Variants in IL33 observed in about 807,000 individuals in gnomAD.
IL33 encodes interleukin-33.
Under a neutral mutation model 27.3 loss-of-function variants are expected in IL33, and 37 were observed. The ratio of observed to expected loss-of-function variants is 1.36; its 90% confidence interval spans 1.04 to 1.78. The LOEUF is 1.78. IL33 is among the 40% of genes most tolerant of loss of function. The probability of loss-of-function intolerance (pLI) is 0.00; values close to 1 mark genes in which losing one functional copy is unlikely to be tolerated. For missense variants in IL33, 406 were observed against 311.4 expected (o/e 1.30, Z -2.29); for synonymous variants, 132 against 102.9 (o/e 1.28, Z -1.71).
At chr9:6,248,000 G>A (rs1819964317) in intron 2 of IL33, among the ~76,000 whole-genome samples, 1 of 151,832 alleles carries the variant, frequency 6.6e-6, no homozygotes, top group Non-Finnish European at 1.5e-5. Context: ...CTGATATCCT[G>A]TTCCCCCCAG....
intron 1 of IL33, among the ~76,000 whole-genome samples, chr9:6,223,788 A>G (rs1395190137): frequency 6.6e-6 from 1 of 152,204 alleles, no homozygotes; most frequent in East Asian, 1.9e-4. Flanking sequence ...ACTTAAGGAC[A>G]CTTTTTGCTC....
At chr9:6,251,773 C>T (rs1478646844) in intron 4 of IL33, among the ~76,000 whole-genome samples, 3 of 151,334 alleles carry the variant, frequency 2.0e-5, no homozygotes, top group Non-Finnish European at 4.4e-5. Context: ...GGTGTGGTGG[C>T]TCACACCTGT....
At chr9:6,230,077 A>G (rs1587620534) in intron 1 of IL33, among the ~76,000 whole-genome samples, 1 of 152,172 alleles carries the variant, frequency 6.6e-6, no homozygotes, top group Non-Finnish European at 1.5e-5. Flanking sequence ...AGGGAGGGGT[A>G]AGTAAGGTTG....
At chr9:6,226,615 T>C (rs1818643512) in intron 1 of IL33, among the ~76,000 whole-genome samples, 2 of 152,258 alleles carry the variant, frequency 1.3e-5, no homozygotes, top group Admixed American at 6.5e-5. Flanking sequence ...TTCTGTTTAA[T>C]TGAACCATTG....
intron 1 of IL33, among the ~76,000 whole-genome samples, chr9:6,236,804 G>A (rs1402999708): frequency 6.6e-6 from 1 of 152,204 alleles, no homozygotes; most frequent in East Asian, 1.9e-4. Flanking sequence ...CTGGGAGGTG[G>A]AGGCTGCAGT....
At chr9:6,253,489 G>T in intron 5 of IL33, 63 bp from the exon 6 acceptor site, 1 of 1,112,952 alleles carries the variant, frequency 9.0e-7, no homozygotes, top group Admixed American at 1.9e-5. Flanking sequence ...TTATGTGTGT[G>T]TTGGAACTGA....
intron 4 of IL33, among the ~76,000 whole-genome samples, chr9:6,252,465 TG>T (rs1490220072): frequency 6.6e-6 from 1 of 152,238 alleles, no homozygotes; most frequent in African/African-American, 2.4e-5. Context: ...CAGAAACTTC[TG>T]GGTAACTCCA....
chr9:6,236,095 A>G (rs1819193265), intron 1 of IL33, among the ~76,000 whole-genome samples: 1 of 152,044 alleles, frequency 6.6e-6, no homozygotes, highest in African/African-American at 2.4e-5. Context: ...TTAGAAAACA[A>G]AAACAAAAAT....
At chr9:6,218,646 C>T (rs1026491528) in intron 1 of IL33, among the ~76,000 whole-genome samples, 6 of 142,230 alleles carry the variant, frequency 4.2e-5, no homozygotes, top group African/African-American at 1.3e-4. Flanking sequence ...TTTTTTCTCC[C>T]TATACATATG....
chr9:6,248,715 C>T (rs773756597), intron 2 of IL33, among the ~76,000 whole-genome samples: 2 of 152,034 alleles, frequency 1.3e-5, no homozygotes, highest in African/African-American at 4.8e-5. Context: ...GCTGAGACTA[C>T]AGGAGCAGGC....
chr9:6,250,160 C>T (rs1816262017), intron 2 of IL33, among the ~76,000 whole-genome samples: 1 of 152,120 alleles, frequency 6.6e-6, no homozygotes, highest in Non-Finnish European at 1.5e-5. Context: ...CATCAACTAA[C>T]TCCTGATGTG....
At chr9:6,221,047 C>T (rs890413913) in intron 1 of IL33, among the ~76,000 whole-genome samples, 3 of 152,160 alleles carry the variant, frequency 2.0e-5, no homozygotes, top group Non-Finnish European at 4.4e-5. Context: ...AGCCACTGTA[C>T]CTGACCCATA....
chr9:6,236,151 A>ATTCTC (rs1819196130), intron 1 of IL33, among the ~76,000 whole-genome samples: 1 of 152,140 alleles, frequency 6.6e-6, no homozygotes, highest in Admixed American at 6.6e-5. Context: ...ACTCGTTAAG[A>ATTCTC]TATATTTCTA....
At chr9:6,235,340 A>G (rs926819731) in intron 1 of IL33, among the ~76,000 whole-genome samples, 1 of 152,190 alleles carries the variant, frequency 6.6e-6, no homozygotes, top group African/African-American at 2.4e-5. Context: ...ACACACACCC[A>G]GCCCTGACTT....
At chr9:6,247,158 G>C (rs557275825) in intron 2 of IL33, among the ~76,000 whole-genome samples, 2 of 152,182 alleles carry the variant, frequency 1.3e-5, no homozygotes, top group South Asian at 4.1e-4. Context: ...TGCCCAGGAA[G>C]AAAGTTTAAG....
chr9:6,226,097 T>A (rs778208671), intron 1 of IL33, among the ~76,000 whole-genome samples: 5 of 152,148 alleles, frequency 3.3e-5, no homozygotes, highest in Non-Finnish European at 7.3e-5. Flanking sequence ...GGCCTCAAAC[T>A]CCTGGGCTCA....
At chr9:6,252,682 A>G (rs1478387546) in intron 4 of IL33, among the ~76,000 whole-genome samples, 184 bp from the exon 5 acceptor site, 1 of 152,222 alleles carries the variant, frequency 6.6e-6, no homozygotes, top group Non-Finnish European at 1.5e-5. Flanking sequence ...TAGCACCTTT[A>G]ATCCCATTCA....
intron 1 of IL33, among the ~76,000 whole-genome samples, chr9:6,230,773 C>A (rs1818888791): frequency 6.6e-6 from 1 of 152,164 alleles, no homozygotes; most frequent in Admixed American, 6.5e-5. Flanking sequence ...CAAGAGAAAC[C>A]AAGCTTGACA....
At chr9:6,250,371 A>G (rs547923410) in intron 2 of IL33, 103 bp from the exon 3 acceptor site, 46 of 1,293,858 alleles carry the variant, frequency 3.6e-5, no homozygotes, top group Non-Finnish European at 4.7e-5. Flanking sequence ...CTGATAAGAT[A>G]CTGTGAACCT....
Sources: gnomAD v4.1 joint callset for allele counts (sites outside exome capture counted in the v4.1 genomes callset) on GRCh38, gnomAD v4.1.1 for gene constraint, MANE v1.5 for transcripts, NCBI Gene and HGNC (gene_info 2026-07-23, HGNC 2026-07-21) for gene names.